The following SLC41A2 variants were observed in gnomAD, a reference collection of about 807,000 sequenced individuals.
SLC41A2 encodes solute carrier family 41 member 2, also known as SLC41A1-like 1.
Under a neutral mutation model 58.3 loss-of-function variants are expected in SLC41A2, and 32 were observed. That is an observed-to-expected ratio of 0.55 (90% CI 0.41 to 0.74). The LOEUF is 0.74. Among genes scored for constraint, SLC41A2 ranks in the 30% least tolerant of loss-of-function variants. The pLI is 0.00. For missense variants in SLC41A2, 514 were observed against 680.6 expected, an observed-to-expected ratio of 0.76 and a Z score of 2.72; for synonymous variants, 190 against 235.0, an observed-to-expected ratio of 0.81 and a Z score of 1.75.
At chr12:104,826,134 T>C (rs532637334) in intron 10 of SLC41A2, among the ~76,000 whole-genome samples, 11 of 152,218 alleles carry the variant, frequency 7.2e-5, no homozygotes, top group African/African-American at 2.4e-4. Flanking sequence ...GGGCAAACAG[T>C]TCTCTTCACC....
chr12:104,858,780 G>A (rs2043107345), intron 8 of SLC41A2, among the ~76,000 whole-genome samples: 1 of 152,106 alleles, frequency 6.6e-6, no homozygotes, highest in Non-Finnish European at 1.5e-5. Flanking sequence ...CCAAAGTGCT[G>A]ATAGCCAACT....
chr12:104,866,703 T>C, intron 6 of SLC41A2, 124 bp from the exon 7 acceptor site: 1 of 745,670 alleles, frequency 1.3e-6, no homozygotes, highest in Non-Finnish European at 1.9e-6. Flanking sequence ...ATGCTATACA[T>C]TTTCTATAAA....
At chr12:104,910,714 G>A (rs1328844944) in intron 2 of SLC41A2, among the ~76,000 whole-genome samples, 1 of 152,038 alleles carries the variant, frequency 6.6e-6, no homozygotes, top group East Asian at 1.9e-4. Context: ...TAGACTCTTT[G>A]TAGCAATGAG....
rs1230537664 is a variant in SLC41A2 at position 104,846,002 on chromosome 12, A to C, written c.1256-28T>G. On this transcript the variant is annotated intron_variant, in intron 8 of 10. Transcript: ENST00000258538. ...GAAACACAAGGAAAAACAAAGTAGC[A>C]ATCCTCATATTTTAAACAATTTGCA... 6 of 1,605,130 alleles carry C rather than the reference A, an allele frequency of 3.7e-6. No homozygotes were observed. In the African/African-American group the frequency reaches 6.7e-5, roughly 18 times the overall value.
rs1273699514 is a variant in SLC41A2, at chr12:104,866,510, A to T, written c.1097T>A (p.Ile366Lys). ...FLALTPIWII[I>K]AAKHPATRTV... is the part of the protein sequence containing the mutation. ...TCTTGTGGCTGGATGTTTGGCAGCT[A>T]TTATAATCCAAATAGGGGTTAGAGC... The change falls in exon 7 of 11, where the codon ATA becomes AAA. Residue 366 changes from isoleucine (I) to lysine (K), a missense_variant. This residue lies in a region of SLC41A2 where 50 missense variants were observed against 104.5 expected (regional missense o/e 0.48). Coordinates refer to ENST00000258538, the MANE Select transcript of SLC41A2 (RefSeq NM_001352171.3). 8 of 1,612,886 alleles carry T rather than the reference A, an allele frequency of 5.0e-6. No homozygotes were observed. Among genetic ancestry groups the T allele is most frequent in the Non-Finnish European group, 6.8e-6 (8 of 1,179,510 alleles).
intron 10 of SLC41A2, among the ~76,000 whole-genome samples, chr12:104,829,147 G>A (rs929419331): frequency 6.6e-6 from 1 of 152,102 alleles, no homozygotes; most frequent in East Asian, 1.9e-4. Flanking sequence ...TCTACTATAG[G>A]TATTTACCCA....
chr12:104,905,900 A>G (rs978544902), intron 3 of SLC41A2, among the ~76,000 whole-genome samples: 8 of 152,164 alleles, frequency 5.3e-5, no homozygotes, highest in Non-Finnish European at 1.2e-4. Context: ...CTCTCCCTCC[A>G]CATCTCCCTG....
At chr12:104,953,015 G>T (rs561614996) in intron 1 of SLC41A2, among the ~76,000 whole-genome samples, 4 of 152,226 alleles carry the variant, frequency 2.6e-5, no homozygotes, top group Non-Finnish European at 5.9e-5. Context: ...AATGGTACTT[G>T]TACTAACTGT....
At chr12:104,905,886 G>C (rs908482790) in intron 3 of SLC41A2, among the ~76,000 whole-genome samples, 2 of 152,214 alleles carry the variant, frequency 1.3e-5, no homozygotes, top group African/African-American at 4.8e-5. Context: ...GTTCCCGCTC[G>C]TGCCTCTCCC....
At chr12:104,838,295 A>G (rs1049504572) in intron 10 of SLC41A2, among the ~76,000 whole-genome samples, 2 of 152,212 alleles carry the variant, frequency 1.3e-5, no homozygotes, top group Non-Finnish European at 2.9e-5. Context: ...TTCAACAACC[A>G]GGAGCTCTGG....
At chr12:104,861,256 T>G in intron 8 of SLC41A2, 35 bp downstream of exon 8, 4 of 1,464,778 alleles carry the variant, frequency 2.7e-6, no homozygotes, top group Non-Finnish European at 3.8e-6. Context: ...TACGAAGATT[T>G]GATATTATCA....
At chr12:104,941,307 T>C (rs553014578) in intron 1 of SLC41A2, among the ~76,000 whole-genome samples, 3 of 152,332 alleles carry the variant, frequency 2.0e-5, no homozygotes, top group East Asian at 3.9e-4. Context: ...TGTCATAACA[T>C]TTATCAATCC....
In SLC41A2 at chr12:104,804,142, C is replaced by CAAAAAAA. The variant is rs11355284; in HGVS notation, c.*1003_*1009dup. 3.6e-4 allele frequency: 22 copies of CAAAAAAA among 61,406 alleles called. No homozygotes were observed. Among genetic ancestry groups the CAAAAAAA allele is most frequent in the East Asian group, 2.4e-3 (4 of 1,634 alleles). The allele number at this position is 61,406 out of a possible 1,614,324, so 3.8% of individuals were successfully genotyped here. On this transcript the variant is annotated 3_prime_UTR_variant, in exon 11 of 11. Transcript: ENST00000258538. ...TGGGCGACAGAGCAAGACTCTGTCT[C>CAAAAAAA]AAAAAAAAAAAAAAAAAAAAAAAAA...
chr12:104,906,869 G>A (rs546925664), intron 3 of SLC41A2, among the ~76,000 whole-genome samples: 6 of 152,142 alleles, frequency 3.9e-5, no homozygotes, highest in African/African-American at 1.2e-4. Context: ...CTCAGATTCC[G>A]ATATGGCTGA....
At chr12:104,860,145 A>ATTGATCT (rs1268239848) in intron 8 of SLC41A2, among the ~76,000 whole-genome samples, 2 of 152,116 alleles carry the variant, frequency 1.3e-5, no homozygotes, top group African/African-American at 4.8e-5. Context: ...TTTAAATTAT[A>ATTGATCT]TTGATCTAGG....
chr12:104,814,460 G>A (rs1235178773), intron 10 of SLC41A2, among the ~76,000 whole-genome samples: 7 of 152,134 alleles, frequency 4.6e-5, no homozygotes, highest in African/African-American at 1.2e-4. Flanking sequence ...GGGATCTAAT[G>A]TGTCAATCCC....
chr12:104,835,973 T>C (rs1299553816), intron 10 of SLC41A2, among the ~76,000 whole-genome samples: 3 of 152,156 alleles, frequency 2.0e-5, no homozygotes, highest in African/African-American at 7.2e-5. Flanking sequence ...GCCTCCACAG[T>C]AGCTGAGATT....
chr12:104,936,963 A>G (rs1199909484), intron 1 of SLC41A2, among the ~76,000 whole-genome samples: 1 of 152,224 alleles, frequency 6.6e-6, no homozygotes, highest in Non-Finnish European at 1.5e-5. Context: ...AAAATGTTAC[A>G]GGCTGGGTGC....
intron 8 of SLC41A2, among the ~76,000 whole-genome samples, chr12:104,850,610 A>T (rs1315334760): frequency 3.9e-5 from 6 of 152,224 alleles, no homozygotes; most frequent in Non-Finnish European, 8.8e-5. Context: ...CCCCCCTTCT[A>T]AGCTGAGAGG....
Sources: allele counts gnomAD v4.1 joint callset (sites outside exome capture counted in the v4.1 genomes callset), GRCh38; gene constraint gnomAD v4.1.1; regional missense constraint gnomAD v4.1.1; transcripts MANE v1.5; gene names NCBI Gene and HGNC (gene_info 2026-07-23, HGNC 2026-07-21).